The following NGF variants were observed in gnomAD, a reference collection of about 807,000 sequenced individuals.
NGF encodes nerve growth factor.
Under a neutral mutation model 12.8 loss-of-function variants are expected in NGF, and 4 were observed. That is an observed-to-expected ratio of 0.31 (90% CI 0.15 to 0.72). NGF has a LOEUF of 0.72. Among genes scored for constraint, NGF ranks in the 30% least tolerant of loss-of-function variants. NGF has a pLI of 0.69. For synonymous variants in NGF, 140 were observed against 130.0 expected (o/e 1.08, Z -0.52); for missense variants, 283 against 330.8 (o/e 0.86, Z 1.12).
At chr1:115,337,827 T>C (rs1434472340) in intron 1 of NGF, among the ~76,000 whole-genome samples, 2 of 151,972 alleles carry the variant, frequency 1.3e-5, no homozygotes, top group African/African-American at 4.8e-5. Context: ...TGCCGGCGCA[T>C]CCCTCTCCGC....
chr1:115,326,691 G>A (rs190814394), intron 1 of NGF, among the ~76,000 whole-genome samples: 46 of 152,200 alleles, frequency 3.0e-4, no homozygotes, highest in African/African-American at 1.0e-3. Context: ...ATCTGCTACT[G>A]CGTTTGGAAT....
chr1:115,300,619 C>T (rs1654007079), intron 1 of NGF, among the ~76,000 whole-genome samples: 1 of 152,246 alleles, frequency 6.6e-6, no homozygotes, highest in South Asian at 2.1e-4. Context: ...TCTTGAGCTC[C>T]CTTGCTCTTC....
intron 1 of NGF, among the ~76,000 whole-genome samples, chr1:115,316,164 C>A (rs541934012): frequency 2.6e-5 from 4 of 152,158 alleles, no homozygotes; most frequent in Non-Finnish European, 5.9e-5. Context: ...GTCTTTGCTG[C>A]TCTGTGACAT....
chr1:115,307,511 G>T (rs1441013181), intron 1 of NGF, among the ~76,000 whole-genome samples: 1 of 152,210 alleles, frequency 6.6e-6, no homozygotes, highest in Non-Finnish European at 1.5e-5. Context: ...CAAATCACAA[G>T]CAGACTTACA....
intron 1 of NGF, among the ~76,000 whole-genome samples, chr1:115,308,261 A>G (rs1012258492): frequency 6.6e-6 from 1 of 152,194 alleles, no homozygotes; most frequent in Non-Finnish European, 1.5e-5. Flanking sequence ...TGCCCCTGTC[A>G]CTGCTGTGCA....
intron 1 of NGF, among the ~76,000 whole-genome samples, chr1:115,330,017 A>AGTGCT (rs1268007977): frequency 6.6e-6 from 1 of 151,910 alleles, no homozygotes; most frequent in Non-Finnish European, 1.5e-5. Flanking sequence ...CAGCCCCCTA[A>AGTGCT]GTGCTGGGAT....
chr1:115,287,078 T>G (rs1653535537), intron 2 of NGF, among the ~76,000 whole-genome samples: 1 of 152,150 alleles, frequency 6.6e-6, no homozygotes, highest in Non-Finnish European at 1.5e-5. Flanking sequence ...GCCCAGTAGT[T>G]CGATATGAGC....
At chr1:115,321,706 A>G (rs1006391921) in intron 1 of NGF, among the ~76,000 whole-genome samples, 4 of 151,920 alleles carry the variant, frequency 2.6e-5, no homozygotes, top group African/African-American at 9.7e-5. Flanking sequence ...TTTCCTTTTC[A>G]TGTCCAAGGC....
chr1:115,303,405 C>A (rs1654098517), intron 1 of NGF, among the ~76,000 whole-genome samples: 2 of 152,076 alleles, frequency 1.3e-5, no homozygotes, highest in Non-Finnish European at 2.9e-5. Flanking sequence ...CCACTGCCTC[C>A]ACTTCTTCCA....
At chr1:115,317,500 A>C (rs1026545237) in intron 1 of NGF, among the ~76,000 whole-genome samples, 5 of 152,236 alleles carry the variant, frequency 3.3e-5, no homozygotes, top group African/African-American at 4.8e-5. Flanking sequence ...AATTAGAAAA[A>C]AGAAATCTAT....
At chr1:115,292,918 G>T (rs1382281231) in intron 2 of NGF, among the ~76,000 whole-genome samples, 5 of 151,722 alleles carry the variant, frequency 3.3e-5, no homozygotes, top group African/African-American at 1.2e-4. Flanking sequence ...ACACTAGCAG[G>T]TACCAGCGCC....
At chr1:115,308,968 C>T (rs1654274606) in intron 1 of NGF, among the ~76,000 whole-genome samples, 1 of 151,506 alleles carries the variant, frequency 6.6e-6, no homozygotes, top group South Asian at 2.1e-4. Context: ...GTTCAAAGGC[C>T]TTTCAGACAT....
chr1:115,296,530 C>T (rs949597009), intron 1 of NGF, among the ~76,000 whole-genome samples: 5 of 152,196 alleles, frequency 3.3e-5, no homozygotes, highest in African/African-American at 1.2e-4. Context: ...ACAATAGATT[C>T]CCTGGCTCTG....
intron 2 of NGF, among the ~76,000 whole-genome samples, chr1:115,287,009 T>C (rs1237578185): frequency 6.6e-6 from 1 of 152,186 alleles, no homozygotes. Flanking sequence ...TCAGGCAGTA[T>C]GGATGTGTGG....
intron 2 of NGF, among the ~76,000 whole-genome samples, chr1:115,289,424 A>G (rs898235680): frequency 6.6e-6 from 1 of 152,006 alleles, no homozygotes; most frequent in Admixed American, 6.5e-5. Flanking sequence ...AGAGGTTCCC[A>G]CTTCATTCTT....
chr1:115,310,947 C>T (rs1361938157), intron 1 of NGF, among the ~76,000 whole-genome samples: 2 of 152,032 alleles, frequency 1.3e-5, no homozygotes, highest in Non-Finnish European at 2.9e-5. Context: ...TAATACATGC[C>T]TGGTACTTGC....
chr1:115,304,571 C>T (rs1654144549), intron 1 of NGF, among the ~76,000 whole-genome samples: 1 of 151,968 alleles, frequency 6.6e-6, no homozygotes, highest in African/African-American at 2.4e-5. Context: ...GGTAGGTGCA[C>T]AATTTTTGCA....
chr1:115,315,636 C>A (rs1407461834), intron 1 of NGF, among the ~76,000 whole-genome samples: 1 of 151,996 alleles, frequency 6.6e-6, no homozygotes, highest in Non-Finnish European at 1.5e-5. Flanking sequence ...ATTTGAGATA[C>A]CTTATATTGG....
In NGF at chr1:115,285,921, T is replaced by C; in HGVS notation, c.*149A>G. Reference sequence around the variant, plus strand: ...AACCAGCATCAGCACACAGGATGCTTCCAAAAATTTAATAAATAATGATTC... The same window carrying C: ...AACCAGCATCAGCACACAGGATGCTCCCAAAAATTTAATAAATAATGATTC... On this transcript the variant is annotated 3_prime_UTR_variant, in exon 3 of 3. Coordinates refer to ENST00000369512, the MANE Select transcript of NGF (RefSeq NM_002506.3). 3.4e-6 allele frequency: 4 copies of C among 1,167,018 alleles called. No individual in the cohort carries two copies. Among genetic ancestry groups the C allele is most frequent in the Non-Finnish European group, 4.6e-6 (4 of 862,114 alleles). The allele number at this position is 1,167,018 out of a possible 1,614,324, so 72.3% of individuals were successfully genotyped here. A position where few individuals can be genotyped will look rare whatever the true frequency, so the allele number is the denominator to read the frequency against.
Sources: gnomAD v4.1 joint callset for allele counts (sites outside exome capture counted in the v4.1 genomes callset) on GRCh38, gnomAD v4.1.1 for gene constraint, MANE v1.5 for transcripts, NCBI Gene and HGNC (gene_info 2026-07-23, HGNC 2026-07-21) for gene names.